Variants in DYNLT2B observed in about 807,000 individuals in gnomAD.
DYNLT2B encodes the protein dynein light chain Tctex-type 2B.
DYNLT2B carries 14 observed loss-of-function variants against 19.5 expected under a neutral mutation model. The observed-to-expected ratio is 0.72, with a 90% CI of 0.47 to 1.12. DYNLT2B has a LOEUF of 1.12. Ranked by LOEUF, DYNLT2B falls within the 50% of genes most tolerant of loss-of-function variation. The pLI is 0.00. For missense variants in DYNLT2B, 133 were observed against 174.7 expected, an observed-to-expected ratio of 0.76 and a Z score of 1.35; for synonymous variants, 70 against 59.7, an observed-to-expected ratio of 1.17 and a Z score of -0.79.
chr3:196,300,949 CTT>C (rs1373103160), intron 3 of DYNLT2B, among the ~76,000 whole-genome samples: 4 of 151,506 alleles, frequency 2.6e-5, no homozygotes, highest in Non-Finnish European at 5.9e-5. Flanking sequence ...GTCCCAGCTA[CTT>C]GGGAGGCTGA....
intron 3 of DYNLT2B, among the ~76,000 whole-genome samples, chr3:196,296,500 G>A (rs982574666): frequency 1.3e-5 from 2 of 152,170 alleles, no homozygotes; most frequent in Middle Eastern, 3.4e-3. Context: ...GTCTTCTAAC[G>A]AATTATAACT....
chr3:196,297,380 C>T (rs1349711393), intron 3 of DYNLT2B, among the ~76,000 whole-genome samples: 3 of 152,052 alleles, frequency 2.0e-5, no homozygotes, highest in African/African-American at 2.4e-5. Flanking sequence ...CAAAAATTGG[C>T]TGGGCATCGT....
chr3:196,294,772 G>A (rs1176179662), intron 4 of DYNLT2B, among the ~76,000 whole-genome samples: 2 of 151,828 alleles, frequency 1.3e-5, no homozygotes, highest in African/African-American at 4.8e-5. Flanking sequence ...GTCTTGCTCT[G>A]CTGCCCAGGC....
At chr3:196,312,977 G>A (rs752382737) in intron 2 of DYNLT2B, among the ~76,000 whole-genome samples, 19 of 152,044 alleles carry the variant, frequency 1.2e-4, no homozygotes, top group East Asian at 3.9e-4. Flanking sequence ...AAATCACACC[G>A]CTGCACTCCA....
intron 3 of DYNLT2B, 36 bp downstream of exon 3, chr3:196,306,907 G>A (rs376476868): frequency 6.4e-6 from 10 of 1,573,288 alleles, no homozygotes; most frequent in African/African-American, 4.1e-5. Context: ...AAGAAATATA[G>A]ATGACTAAAA....
At chr3:196,295,897 G>A in intron 4 of DYNLT2B, 109 bp downstream of exon 4, 1 of 899,918 alleles carries the variant, frequency 1.1e-6, no homozygotes, top group East Asian at 2.5e-5. Context: ...ACAAGTCAAA[G>A]ATGAATGACT....
chr3:196,293,907 T>G (rs1160673878), intron 4 of DYNLT2B, among the ~76,000 whole-genome samples: 29 of 149,382 alleles, frequency 1.9e-4, no homozygotes, highest in Non-Finnish European at 4.0e-4. Flanking sequence ...CCTCCCAGAG[T>G]GCTGGGATTA....
At chr3:196,307,271 T>C (rs1726512863) in intron 2 of DYNLT2B, among the ~76,000 whole-genome samples, 1 of 152,096 alleles carries the variant, frequency 6.6e-6, no homozygotes, top group African/African-American at 2.4e-5. Flanking sequence ...CCCAAGATTG[T>C]TATAAGGTTA....
At chr3:196,292,436 G>A (rs964902729) in intron 4 of DYNLT2B, 2 of 152,168 alleles carry the variant, frequency 1.3e-5, no homozygotes, top group Admixed American at 1.3e-4. Context: ...ACAGTGCTGT[G>A]ATAAAGGACC....
chr3:196,295,136 C>A (rs545033722), intron 4 of DYNLT2B, among the ~76,000 whole-genome samples: 35 of 152,156 alleles, frequency 2.3e-4, no homozygotes, highest in African/African-American at 7.7e-4. Flanking sequence ...AGGATGCAAT[C>A]CTTTCTGGAG....
At chr3:196,306,918 CAAG>C in intron 3 of DYNLT2B, 22 bp downstream of exon 3, 1 of 1,602,950 alleles carries the variant, frequency 6.2e-7, no homozygotes. Context: ...ATGACTAAAA[CAAG>C]AAGGAAAATC....
At chr3:196,299,833 A>C (rs1726307459) in intron 3 of DYNLT2B, among the ~76,000 whole-genome samples, 1 of 152,164 alleles carries the variant, frequency 6.6e-6, no homozygotes, top group Non-Finnish European at 1.5e-5. Context: ...CGGGAGGCTG[A>C]GGCAGGAGAA....
chr3:196,314,820 C>G (rs1726733278), intron 2 of DYNLT2B, among the ~76,000 whole-genome samples: 1 of 151,164 alleles, frequency 6.6e-6, no homozygotes, highest in Non-Finnish European at 1.5e-5. Context: ...GACCCTATTT[C>G]AAAAACAAAA....
At chr3:196,310,418 T>C (rs940875508) in intron 2 of DYNLT2B, among the ~76,000 whole-genome samples, 2 of 132,272 alleles carry the variant, frequency 1.5e-5, no homozygotes, top group East Asian at 4.8e-4. Context: ...GGCCAGGTTA[T>C]GATTTTGTTT....
intron 3 of DYNLT2B, among the ~76,000 whole-genome samples, chr3:196,306,193 C>T (rs1726479937): frequency 6.6e-6 from 1 of 150,764 alleles, no homozygotes; most frequent in South Asian, 2.1e-4. Flanking sequence ...TGGTGAATTG[C>T]CTGAGCCCAG....
intron 4 of DYNLT2B, among the ~76,000 whole-genome samples, chr3:196,294,116 C>A (rs1458215107): frequency 1.3e-5 from 2 of 151,930 alleles, no homozygotes; most frequent in East Asian, 2.0e-4. Context: ...CTCTGGGAGG[C>A]CGAGGCGGGC....
intron 2 of DYNLT2B, among the ~76,000 whole-genome samples, chr3:196,308,082 GA>G (rs201886079): frequency 0.027 from 2,978 of 108,910 alleles, 112 homozygotes; most frequent in African/African-American, 0.1. Flanking sequence ...ACTCCATCTC[GA>G]AAAAAAAAAA....
intron 4 of DYNLT2B, among the ~76,000 whole-genome samples, chr3:196,293,055 T>C (rs946003014): frequency 2.0e-5 from 3 of 152,114 alleles, no homozygotes; most frequent in Non-Finnish European, 4.4e-5. Context: ...GGTTTCACCA[T>C]GTTGGCCAGG....
Position 196,296,085 on chromosome 3 carries a change from A to G in DYNLT2B, c.318-16T>C. 1 of 1,611,556 alleles carries G rather than the reference A, an allele frequency of 6.2e-7. No individual in the cohort carries two copies. Among genetic ancestry groups the G allele is most frequent in the Non-Finnish European group, 8.5e-7 (1 of 1,177,652 alleles). On this transcript the variant is annotated splice_polypyrimidine_tract_variant and intron_variant, in intron 3 of 4. Transcript: ENST00000325318. ...AGAAGCCATGCTAAAAAATCCAAGA[A>G]TGAAGAATTATCAACAATCTAACAA...
Sources: gnomAD v4.1 joint callset for allele counts (sites outside exome capture counted in the v4.1 genomes callset) on GRCh38, gnomAD v4.1.1 for gene constraint, MANE v1.5 for transcripts, NCBI Gene and HGNC (gene_info 2026-07-23, HGNC 2026-07-21) for gene names.